Variants in GLIS2 observed in about 807,000 individuals in gnomAD.
GLIS2 encodes the protein GLIS family zinc finger 2.
In GLIS2, 14 loss-of-function variants were observed where a neutral mutation model predicts 35.6. The ratio of observed to expected loss-of-function variants is 0.39; its 90% confidence interval spans 0.26 to 0.61. The LOEUF is 0.61. GLIS2 is among the 20% of genes least tolerant of loss of function. The pLI is 0.48. For missense variants in GLIS2, 675 were observed against 713.4 expected, an observed-to-expected ratio of 0.95 and a Z score of 0.61; for synonymous variants, 368 against 325.1, an observed-to-expected ratio of 1.13 and a Z score of -1.42.
rs989921838 is a variant in GLIS2, at chr16:4,337,740, G to C, written c.*216G>C. The C allele has an allele frequency of 1.5e-6, 1 of 671,106 alleles. No homozygotes were observed. The highest frequency in any genetic ancestry group is 2.6e-6 in the Non-Finnish European group (1 of 386,098). The allele number at this position is 671,106 out of a possible 1,614,324, so 41.6% of individuals were successfully genotyped here. ...TCATGCAGGGAGAGCTGTGCTCCTG[G>C]GTGCTGAAGCCTCGCTCCTGTCTGT... On this transcript the variant is annotated 3_prime_UTR_variant, in exon 7 of 7. Transcript: ENST00000433375.
At chr16:4,336,697 G>T in intron 6 of GLIS2, 28 bp from the exon 7 acceptor site, 1 of 1,570,444 alleles carries the variant, frequency 6.4e-7, no homozygotes. Context: ...GACCCCTCAT[G>T]GCGGCACTGC....
rs777032665 is a variant in GLIS2 at position 4,337,493 on chromosome 16, C to T, written c.1544C>T (p.Ser515Leu). The T allele has an allele frequency of 3.3e-5, 51 of 1,566,242 alleles. No individual in the cohort carries two copies. Among genetic ancestry groups the T allele is most frequent in the South Asian group, 3.5e-5 (3 of 86,324 alleles). ...APGWVVIPPG[S>L]VLLKPAVVN ...GGCTGGGTGGTCATCCCGCCGGGCT[C>T]GGTGCTGCTCAAACCGGCTGTGGTG... The change falls in exon 7 of 7, where the codon TCG becomes TTG. Residue 515 changes from serine (S) to leucine (L), a missense_variant. Transcript: ENST00000433375.
chr16:4,334,836 C>T lies in GLIS2; in HGVS notation c.381C>T (p.Pro127=), dbSNP rs1053084115. ...FQPLRYLDGV[P]SSFQFFLPLG... ...CACTGCGCTATTTGGATGGTGTCCC[C>T]AGCTCCTTCCAGTTCTTCCTGCCCC... Residue 127 remains proline, a synonymous_variant, in exon 4 of 7, where the codon CCC becomes CCT. Transcript: ENST00000433375. The T allele has an allele frequency of 2.5e-6, 4 of 1,613,356 alleles. No individual in the cohort carries two copies. In the African/African-American group the frequency reaches 4.0e-5, roughly 16 times the overall value.
chr16:4,328,352 A>C (rs888251464), intron 1 of GLIS2: 1 of 152,252 alleles, frequency 6.6e-6, no homozygotes, highest in Non-Finnish European at 1.5e-5. Context: ...TGCCCCCTTC[A>C]CCCAGCCGGG....
At chr16:4,322,042 T>G (rs2141121560) in intron 1 of GLIS2, among the ~76,000 whole-genome samples, 2 of 148,862 alleles carry the variant, frequency 1.3e-5, no homozygotes, top group East Asian at 2.0e-4. Flanking sequence ...GAGCACTTGG[T>G]GGAGGAGGGG....
Position 4,337,000 on chromosome 16 carries a change from G to A in GLIS2, c.1051G>A (p.Ala351Thr), listed in dbSNP as rs1389628779. The change falls in exon 7 of 7, where the codon GCC becomes ACC. Residue 351 changes from alanine to threonine, a missense_variant. Ala to Thr is a moderately conservative substitution (Grantham distance 58, BLOSUM62 0). Transcript: ENST00000433375. ...APDGGPYVSGAQIIIPNPAAL... is the reference protein window; with the variant it reads ...APDGGPYVSGTQIIIPNPAAL... ...CGACGGCGGCCCCTATGTCAGTGGGGCCCAGATCATCATCCCCAACCCAGC... is the reference window on the plus strand; with the variant it reads ...CGACGGCGGCCCCTATGTCAGTGGGACCCAGATCATCATCCCCAACCCAGC... 1 of 1,606,536 alleles carries A rather than the reference G, an allele frequency of 6.2e-7. No individual in the cohort carries two copies. The highest frequency in any genetic ancestry group is 1.1e-5 in the South Asian group (1 of 90,478).
At position 4,320,152 on chromosome 16, in the gene GLIS2, G is replaced by A. The variant is rs769161972; in HGVS notation, c.-67+3898G>A. 2.0e-4 allele frequency among the ~76,000 whole-genome samples: 31 copies of A among 152,138 alleles called. No homozygotes were observed. Among genetic ancestry groups the A allele is most frequent in the Admixed American group, 2.6e-4 (4 of 15,282 alleles). ...GCCGGCCTGTGAGTGTCACATGTGCGTGCACACGGACTCCAGCCTTGGCAG... is the reference window on the plus strand; with the variant it reads ...GCCGGCCTGTGAGTGTCACATGTGCATGCACACGGACTCCAGCCTTGGCAG... On this transcript the variant is annotated intron_variant, in intron 1 of 6. Coordinates refer to ENST00000433375, the MANE Select transcript of GLIS2 (RefSeq NM_032575.3). This position sits in a 1 kb window ranked among gnomAD's most constrained non-coding sequence, Gnocchi z 5.6.
rs2053563180 is a variant in GLIS2 at position 4,337,138 on chromosome 16, G to A, written c.1189G>A (p.Gly397Ser). ...CGGTGGGGGCAGTGGGGGTGGGGGG[G>A]GCATGGGCCCTGGGCTGCCAGGCCC... is the stretch of plus-strand genomic sequence containing the variant. The part of the protein sequence containing the change: ...GNGGGSGGGG[G>S]MGPGLPGPVL... The change falls in exon 7 of 7, where the codon GGC becomes AGC. Residue 397 changes from glycine (G) to serine (S), a missense_variant. This residue lies in a region of GLIS2 where 317 missense variants were observed against 283.2 expected (regional missense o/e 1.12). Coordinates refer to ENST00000433375, the MANE Select transcript of GLIS2 (RefSeq NM_032575.3). 2 of 1,536,998 alleles carry A rather than the reference G, an allele frequency of 1.3e-6. No homozygotes were observed. The highest frequency in any genetic ancestry group is 2.0e-5 in the Admixed American group (1 of 50,982).
chr16:4,330,687 C>T (rs148176074), intron 1 of GLIS2, among the ~76,000 whole-genome samples: 48 of 152,336 alleles, frequency 3.2e-4, no homozygotes, highest in East Asian at 9.6e-4. Flanking sequence ...TCAAACAGGG[C>T]GGGAGTCCGG....
chr16:4,327,606 G>A (rs985565723), intron 1 of GLIS2, among the ~76,000 whole-genome samples: 3 of 152,228 alleles, frequency 2.0e-5, no homozygotes, highest in African/African-American at 4.8e-5. Flanking sequence ...GCTGGGGGCC[G>A]TCTGCTCGGG....
At position 4,337,047 on chromosome 16, in the gene GLIS2, C is replaced by T; in HGVS notation, c.1098C>T (p.Gly366=). The T allele has an allele frequency of 6.3e-7, 1 of 1,579,592 alleles. No homozygotes were observed. The highest frequency in any genetic ancestry group is 2.3e-5 in the East Asian group (1 of 43,112). Residue 366 remains glycine, a synonymous_variant, in exon 7 of 7, where the codon GGC becomes GGT. Coordinates refer to ENST00000433375, the MANE Select transcript of GLIS2 (RefSeq NM_032575.3). ...CAGCTGCCCTCTTTGGAGGCCCTGGCCTGCCCGGCTTACCCCTACCCCTGG... is the reference window on the plus strand; with the variant it reads ...CAGCTGCCCTCTTTGGAGGCCCTGGTCTGCCCGGCTTACCCCTACCCCTGG... The part of the protein sequence containing the change: ...PNPAALFGGP[G]LPGLPLPLAP...
Position 4,335,164 on chromosome 16 carries a change from C to T in GLIS2, c.627C>T (p.Cys209=), listed in dbSNP as rs746571582. 7.4e-5 allele frequency: 119 copies of T among 1,613,122 alleles called. No homozygotes were observed. The Middle Eastern group carries it at 1.2e-3, about 16-fold the overall frequency. The part of the protein sequence containing the change: ...DAGYCCHWEG[C]ARHGRGFNAR... ...GGTACTGCTGCCACTGGGAGGGCTG[C>T]GCCCGCCATGGCCGAGGTTTCAACG... Residue 209 remains cysteine (C), a synonymous_variant, in exon 5 of 7, where the codon TGC becomes TGT. Coordinates refer to ENST00000433375, the MANE Select transcript of GLIS2 (RefSeq NM_032575.3). The surrounding 1 kb of genome is among the most constrained non-coding windows in gnomAD (Gnocchi z 4.6).
rs976283019 is a variant in GLIS2 at position 4,337,574 on chromosome 16, C to T, written c.*50C>T. On this transcript the variant is annotated 3_prime_UTR_variant, in exon 7 of 7. Transcript: ENST00000433375. ...GCCCCCCCGGCAGCTCCCGGCACTGCCCCCGACGAACGGAAACTCTTCTGT... is the reference window on the plus strand; with the variant it reads ...GCCCCCCCGGCAGCTCCCGGCACTGTCCCCGACGAACGGAAACTCTTCTGT... The T allele has an allele frequency of 6.5e-6, 10 of 1,535,986 alleles. No individual in the cohort carries two copies. The highest frequency in any genetic ancestry group is 8.7e-6 in the Non-Finnish European group (10 of 1,146,146).
intron 1 of GLIS2, among the ~76,000 whole-genome samples, chr16:4,327,750 T>TCCC (rs2053449991): frequency 6.7e-6 from 1 of 148,944 alleles, no homozygotes; most frequent in Non-Finnish European, 1.5e-5. Flanking sequence ...GCCCCCGCCG[T>TCCC]CCCGGTGGTC....
upstream of GLIS2, among the ~76,000 whole-genome samples, chr16:4,315,653 G>A (rs1192014270): frequency 6.7e-6 from 1 of 148,416 alleles, no homozygotes; most frequent in African/African-American, 2.6e-5. Context: ...CCCTCGGGCC[G>A]GGGGCGGGGC....
intron 3 of GLIS2, among the ~76,000 whole-genome samples, chr16:4,334,482 C>T (rs1368368334): frequency 6.6e-6 from 1 of 152,114 alleles, no homozygotes; most frequent in Non-Finnish European, 1.5e-5. Context: ...AAGTGATCCG[C>T]CCACCTCAGC....
At position 4,324,973 on chromosome 16, in the gene GLIS2, G is replaced by A. The variant is rs182212458; in HGVS notation, c.-66-7242G>A. 1.2e-4 allele frequency among the ~76,000 whole-genome samples: 18 copies of A among 152,312 alleles called. No homozygotes were observed. The East Asian group carries it at 3.1e-3, about 26-fold the overall frequency. Reference sequence around the variant, plus strand: ...GGGGCCCCCAGCAGGCCCTGCCCCTGCCCGCCAGCCCCTGCTGCTGGGCGG... The same window carrying A: ...GGGGCCCCCAGCAGGCCCTGCCCCTACCCGCCAGCCCCTGCTGCTGGGCGG... On this transcript the variant is annotated intron_variant, in intron 1 of 6. Transcript: ENST00000433375.
In GLIS2 at chr16:4,337,238, T is replaced by G. The variant is rs1288558878; in HGVS notation, c.1289T>G (p.Val430Gly). 1.3e-6 allele frequency: 2 copies of G among 1,548,112 alleles called. No homozygotes were observed. The highest frequency in any genetic ancestry group is 2.4e-5 in the South Asian group (2 of 84,082). The change falls in exon 7 of 7, where the codon GTG becomes GGG. Residue 430 changes from valine (V) to glycine (G), a missense_variant. Val to Gly is a moderately radical substitution (Grantham distance 109). Coordinates refer to ENST00000433375, the MANE Select transcript of GLIS2 (RefSeq NM_032575.3). ...GGGGCTGGCGGACTGGGCTTGCCTG[T>G]GGTCTCCCTCCTTGCTGGCGCAGCT... ...PFGAGGLGLP[V>G]VSLLAGAAGG...
At position 4,337,788 on chromosome 16, in the gene GLIS2, T is replaced by C; in HGVS notation, c.*264T>C. On this transcript the variant is annotated 3_prime_UTR_variant, in exon 7 of 7. Coordinates refer to ENST00000433375, the MANE Select transcript of GLIS2 (RefSeq NM_032575.3). ...TGTCCCCCACCACCTGGCCCTCAGC[T>C]TCTGAGAGGCTTTCCCCTGCCCGAC... 1 of 591,392 alleles carries C rather than the reference T, an allele frequency of 1.7e-6. No individual in the cohort carries two copies. The highest frequency in any genetic ancestry group is 2.0e-5 in the South Asian group (1 of 50,654). The allele number at this position is 591,392 out of a possible 1,614,324, so 36.6% of individuals were successfully genotyped here.
Sources: gnomAD v4.1 joint callset for allele counts (sites outside exome capture counted in the v4.1 genomes callset) on GRCh38, gnomAD v4.1.1 for gene constraint, gnomAD v4.1.1 regional missense constraint, Gnocchi (gnomAD v3.1) non-coding constraint, MANE v1.5 for transcripts, NCBI Gene and HGNC (gene_info 2026-07-23, HGNC 2026-07-21) for gene names.